Variants in ATE1 observed in about 807,000 individuals in gnomAD.
The protein encoded by ATE1 is arginyltransferase 1, also known as arginyl-tRNA--protein transferase 1.
Under a neutral mutation model 70.5 loss-of-function variants are expected in ATE1, and 36 were observed. The observed-to-expected ratio is 0.51, with a 90% CI of 0.39 to 0.67. The LOEUF (loss-of-function observed/expected upper bound fraction) is 0.67. ATE1 is among the 30% of genes least tolerant of loss of function. ATE1 has a pLI of 0.00. For missense variants in ATE1, 593 were observed against 629.5 expected, an observed-to-expected ratio of 0.94 and a Z score of 0.62; for synonymous variants, 232 against 219.3, an observed-to-expected ratio of 1.06 and a Z score of -0.51.
At chr10:121,883,502 A>C (rs1950287732) in intron 7 of ATE1, among the ~76,000 whole-genome samples, 1 of 152,172 alleles carries the variant, frequency 6.6e-6, no homozygotes, top group Admixed American at 6.5e-5. Flanking sequence ...TTAGAGATAA[A>C]AGCAGTAGCC....
chr10:121,849,680 G>T (rs1296512798), intron 8 of ATE1, among the ~76,000 whole-genome samples: 3 of 152,176 alleles, frequency 2.0e-5, no homozygotes, highest in Non-Finnish European at 4.4e-5. Context: ...AGCACTCTTG[G>T]TTAATAATGA....
At chr10:121,913,322 G>A (rs1951518883) in intron 4 of ATE1, among the ~76,000 whole-genome samples, 1 of 152,148 alleles carries the variant, frequency 6.6e-6, no homozygotes, top group Admixed American at 6.6e-5. Flanking sequence ...ACAAATAAGA[G>A]GATTTCAAAC....
intron 8 of ATE1, among the ~76,000 whole-genome samples, chr10:121,856,606 A>G (rs963793594): frequency 1.3e-5 from 2 of 152,266 alleles, no homozygotes; most frequent in Non-Finnish European, 2.9e-5. Context: ...TAAAGTGAAC[A>G]TCACAATAAG....
intron 7 of ATE1, among the ~76,000 whole-genome samples, chr10:121,898,012 AC>A (rs1308280297): frequency 6.6e-6 from 1 of 151,970 alleles, no homozygotes; most frequent in African/African-American, 2.4e-5. Context: ...TTTTTAGCTT[AC>A]ACATCGTGTC....
At chr10:121,880,302 T>A (rs1221708861) in intron 7 of ATE1, among the ~76,000 whole-genome samples, 1 of 152,120 alleles carries the variant, frequency 6.6e-6, no homozygotes, top group African/African-American at 2.4e-5. Flanking sequence ...CATTTTAACA[T>A]CAATGCAATG....
upstream of ATE1, chr10:121,928,084 G>A (rs1952180528): frequency 2.5e-6 from 3 of 1,205,954 alleles, no homozygotes; most frequent in South Asian, 4.0e-5. Flanking sequence ...CCGCAGGCCC[G>A]GCCGGCCCGG....
At chr10:121,902,317 C>A in intron 6 of ATE1, 74 bp downstream of exon 6, 1 of 1,337,416 alleles carries the variant, frequency 7.5e-7, no homozygotes. Flanking sequence ...ATTAGAACTT[C>A]AAATAAAAAT....
intron 8 of ATE1, among the ~76,000 whole-genome samples, chr10:121,844,179 C>T (rs1327175232): frequency 1.3e-5 from 2 of 152,212 alleles, no homozygotes; most frequent in Admixed American, 1.3e-4. Flanking sequence ...GTGGGAGGAT[C>T]CTCTGAGCCC....
chr10:121,869,917 C>T, intron 8 of ATE1, 89 bp downstream of exon 8: 1 of 1,319,810 alleles, frequency 7.6e-7, no homozygotes, highest in Non-Finnish European at 1.1e-6. Context: ...ATGAGCACTC[C>T]TAAATTATCA....
chr10:121,826,309 G>GT (rs371939111), intron 10 of ATE1, among the ~76,000 whole-genome samples: 67 of 151,346 alleles, frequency 4.4e-4, no homozygotes, highest in South Asian at 3.8e-3. Flanking sequence ...CAACAAGAAT[G>GT]TTTTTTTTTC....
intron 10 of ATE1, among the ~76,000 whole-genome samples, chr10:121,797,060 G>A (rs569052331): frequency 1.3e-5 from 2 of 152,160 alleles, no homozygotes; most frequent in Non-Finnish European, 2.9e-5. Context: ...TATCTTACTG[G>A]ATAACAATGA....
In ATE1 at chr10:121,922,380, T is replaced by C; in HGVS notation, c.202A>G (p.Asn68Asp). ...GTGTACTGAGGACAACATGTTTGATTCATGACAGGTTTGTACACATATTTT... is the reference window on the plus strand; with the variant it reads ...GTGTACTGAGGACAACATGTTTGATCCATGACAGGTTTGTACACATATTTT... Reference protein sequence around the residue: ...SGKYVYKPVMNQTCCPQYTIR... With the variant: ...SGKYVYKPVMDQTCCPQYTIR... The change falls in exon 3 of 12, where the codon AAT becomes GAT. Residue 68 changes from asparagine (N) to aspartate (D), a missense_variant. This residue lies in a region of ATE1 where 467 missense variants were observed against 469.6 expected (regional missense o/e 0.99). Coordinates refer to ENST00000224652, the MANE Select transcript of ATE1 (RefSeq NM_001001976.3). The C allele has an allele frequency of 1.2e-6, 2 of 1,600,608 alleles. No individual in the cohort carries two copies. Among genetic ancestry groups the C allele is most frequent in the Non-Finnish European group, 1.7e-6 (2 of 1,169,332 alleles).
intron 3 of ATE1, among the ~76,000 whole-genome samples, chr10:121,921,600 G>A (rs946299806): frequency 6.6e-6 from 1 of 152,058 alleles, no homozygotes; most frequent in Non-Finnish European, 1.5e-5. Context: ...TGAGAAGCCT[G>A]AGTAGGCCTG....
intron 7 of ATE1, among the ~76,000 whole-genome samples, chr10:121,886,352 T>TC (rs1465866840): frequency 3.3e-5 from 5 of 151,626 alleles, no homozygotes; most frequent in African/African-American, 1.2e-4. Flanking sequence ...AGCTTGCAAT[T>TC]CCCCCCACAT....
At chr10:121,917,569 A>T (rs947643166) in intron 3 of ATE1, among the ~76,000 whole-genome samples, 1 of 152,196 alleles carries the variant, frequency 6.6e-6, no homozygotes, top group African/African-American at 2.4e-5. Flanking sequence ...GCAGGGAAAC[A>T]GGGATAAGAG....
At chr10:121,806,166 G>A (rs74322463) in intron 10 of ATE1, among the ~76,000 whole-genome samples, 3,360 of 152,266 alleles carry the variant, frequency 0.022, 153 homozygotes, top group East Asian at 0.22. Context: ...AAAAACCATA[G>A]CAGGTTGGAC....
In ATE1 at chr10:121,890,941, T is replaced by C. The variant is rs530592764; in HGVS notation, c.942+8925A>G. On this transcript the variant is annotated intron_variant, in intron 7 of 11. Transcript: ENST00000224652. ...CATACTGGATTAATTTACAAAGTCC[T>C]ATATTATTTCACTATTTGCAATTAT... Among the ~76,000 whole-genome samples the C allele has an allele frequency of 7.7e-4, 118 of 152,290 alleles. 2 individuals carry two copies. In the South Asian group the frequency reaches 0.024, roughly 31 times the overall value.
intron 10 of ATE1, among the ~76,000 whole-genome samples, chr10:121,826,216 G>A (rs1010025511): frequency 6.6e-5 from 10 of 150,620 alleles, no homozygotes; most frequent in Non-Finnish European, 4.4e-5. Flanking sequence ...ATGGTGCACA[G>A]CAATGTGAAT....
chr10:121,899,954 T>C lies in ATE1; in HGVS notation c.854A>G (p.Lys285Arg), dbSNP rs1180643468. 3 of 1,614,054 alleles carry C rather than the reference T, an allele frequency of 1.9e-6. No homozygotes were observed. The highest frequency in any genetic ancestry group is 2.5e-6 in the Non-Finnish European group (3 of 1,179,938). ...VRSSPPSSQFKATLLESYQVY... is the reference protein window; with the variant it reads ...VRSSPPSSQFRATLLESYQVY... ...CTGGTAAGACTCCAGAAGTGTGGCT[T>C]TGAACTGCGAACTTGGTGGAGATGA... Residue 285 changes from lysine to arginine, a missense_variant, in exon 7 of 12, where the codon AAA becomes AGA. Around this residue, in one of 3 missense-constraint regions of ATE1, gnomAD observed 467 missense variants for 469.6 expected, o/e 0.99. Transcript: ENST00000224652.
Sources: allele counts gnomAD v4.1 joint callset (sites outside exome capture counted in the v4.1 genomes callset), GRCh38; gene constraint gnomAD v4.1.1; regional missense constraint gnomAD v4.1.1; transcripts MANE v1.5; gene names NCBI Gene and HGNC (gene_info 2026-07-23, HGNC 2026-07-21).